Variants in PLPPR1 observed in about 807,000 individuals in gnomAD.
PLPPR1 encodes the protein phospholipid phosphatase-related protein type 1.
PLPPR1 carries 10 observed loss-of-function variants against 33.1 expected under a neutral mutation model. The observed-to-expected ratio is 0.30, with a 90% confidence interval of 0.19 to 0.51. PLPPR1 has a LOEUF of 0.51. Among genes scored for constraint, PLPPR1 ranks in the 20% least tolerant of loss-of-function variants. PLPPR1 has a pLI of 0.97. For synonymous variants in PLPPR1, 151 were observed against 151.0 expected, an observed-to-expected ratio of 1.00 and a Z score of 0.00; for missense variants, 304 against 408.1, an observed-to-expected ratio of 0.74 and a Z score of 2.20.
At chr9:101,296,512 C>T (rs184928388) in intron 4 of PLPPR1, among the ~76,000 whole-genome samples, 24 of 151,956 alleles carry the variant, frequency 1.6e-4, no homozygotes, top group East Asian at 7.7e-4. Flanking sequence ...ATGTTTATTG[C>T]GGCACTATTC....
rs537138676 is a variant in PLPPR1, at chr9:101,111,979, T to C, written c.-45-73471T>C. Among the ~76,000 whole-genome samples the C allele has an allele frequency of 3.9e-5, 6 of 152,306 alleles. No individual in the cohort carries two copies. In the South Asian group the frequency reaches 1.2e-3, roughly 32 times the overall value. On this transcript the variant is annotated intron_variant, in intron 1 of 7. Transcript: ENST00000374874. Reference sequence around the variant, plus strand: ...CGTTGCTTCAGCCTCACCTCCTCCCTTCCCAACCACATAATGTGCTTTATT... The same window carrying C: ...CGTTGCTTCAGCCTCACCTCCTCCCCTCCCAACCACATAATGTGCTTTATT...
At chr9:101,185,690 G>T in intron 2 of PLPPR1, 133 bp downstream of exon 2, 1 of 592,812 alleles carries the variant, frequency 1.7e-6, no homozygotes, top group South Asian at 2.5e-5. Context: ...TATTGGTAAA[G>T]ATTAATAAAC....
At chr9:101,128,715 G>T (rs980275298) in intron 1 of PLPPR1, among the ~76,000 whole-genome samples, 2 of 152,142 alleles carry the variant, frequency 1.3e-5, no homozygotes, top group Non-Finnish European at 2.9e-5. Context: ...CAACTTCTCT[G>T]GTGAGAGCTT....
chr9:101,121,264 A>G (rs1831175657), intron 1 of PLPPR1, among the ~76,000 whole-genome samples: 1 of 152,204 alleles, frequency 6.6e-6, no homozygotes, highest in African/African-American at 2.4e-5. Context: ...GCTCCTATGT[A>G]TCAGATATTG....
intron 1 of PLPPR1, among the ~76,000 whole-genome samples, chr9:101,143,022 C>T (rs568495866): frequency 2.6e-5 from 4 of 151,594 alleles, no homozygotes; most frequent in South Asian, 4.2e-4. Context: ...TCTCTTGTAA[C>T]ATTTGCCTGG....
chr9:101,166,185 A>T (rs1486501468), intron 1 of PLPPR1, among the ~76,000 whole-genome samples: 2 of 152,178 alleles, frequency 1.3e-5, no homozygotes, highest in African/African-American at 4.8e-5. Flanking sequence ...TGTTTCAACC[A>T]TATGGCCGTG....
At chr9:101,279,106 C>T (rs192800132) in intron 3 of PLPPR1, among the ~76,000 whole-genome samples, 20 of 152,178 alleles carry the variant, frequency 1.3e-4, no homozygotes, top group Admixed American at 1.0e-3. Context: ...TAGAGATGTT[C>T]GAACTCACTG....
chr9:101,203,360 G>A (rs367587365), intron 2 of PLPPR1, among the ~76,000 whole-genome samples: 1 of 152,142 alleles, frequency 6.6e-6, no homozygotes, highest in African/African-American at 2.4e-5. Flanking sequence ...AGACCTTAGG[G>A]GGGGAAAAAG....
At chr9:101,179,800 G>T (rs531537909) in intron 1 of PLPPR1, among the ~76,000 whole-genome samples, 84 of 152,074 alleles carry the variant, frequency 5.5e-4, no homozygotes, top group African/African-American at 2.0e-3. Context: ...ATTGCCAAAG[G>T]ATATTAACAT....
In PLPPR1 at chr9:101,324,928, A is replaced by G. The variant is rs1050425434; in HGVS notation, c.*871A>G. The G allele has an allele frequency of 6.5e-6, 1 of 152,756 alleles. No homozygotes were observed. Among genetic ancestry groups the G allele is most frequent in the South Asian group, 2.1e-4 (1 of 4,822 alleles). The allele number at this position is 152,756 out of a possible 1,614,324, so 9.5% of individuals were successfully genotyped here. On this transcript the variant is annotated 3_prime_UTR_variant, in exon 8 of 8. Transcript: ENST00000374874. ...CATAGGGCCCCAGAACAACAGTTTC[A>G]CTTTGTGGCTTTTAATTATTCTAGA...
At chr9:101,201,821 A>T (rs760761573) in intron 2 of PLPPR1, among the ~76,000 whole-genome samples, 1 of 152,146 alleles carries the variant, frequency 6.6e-6, no homozygotes, top group Non-Finnish European at 1.5e-5. Context: ...AGAGTTATTT[A>T]TAGGATTCTG....
chr9:101,097,080 G>T (rs1297998826), intron 1 of PLPPR1, among the ~76,000 whole-genome samples: 1 of 152,184 alleles, frequency 6.6e-6, no homozygotes, highest in Admixed American at 6.5e-5. Flanking sequence ...CAGGCAGGGA[G>T]AACAGCTGAA....
At chr9:101,049,045 T>C (rs1830188081) in intron 1 of PLPPR1, among the ~76,000 whole-genome samples, 3 of 152,240 alleles carry the variant, frequency 2.0e-5, no homozygotes, top group Admixed American at 1.3e-4. Context: ...ATTTTGCAGC[T>C]ATCAGATCAG....
chr9:101,174,869 A>C (rs1825995499), intron 1 of PLPPR1, among the ~76,000 whole-genome samples: 1 of 152,322 alleles, frequency 6.6e-6, no homozygotes, highest in South Asian at 2.1e-4. Flanking sequence ...AAGAAACATC[A>C]GTGACTGTCA....
At chr9:101,129,545 G>A (rs959891800) in intron 1 of PLPPR1, among the ~76,000 whole-genome samples, 2 of 152,022 alleles carry the variant, frequency 1.3e-5, no homozygotes, top group African/African-American at 4.8e-5. Flanking sequence ...AAAAAAAAGG[G>A]AAAAAGCTGG....
intron 2 of PLPPR1, among the ~76,000 whole-genome samples, chr9:101,193,189 G>A (rs1027399163): frequency 6.6e-6 from 1 of 152,202 alleles, no homozygotes; most frequent in Non-Finnish European, 1.5e-5. Flanking sequence ...GGAATCAGGA[G>A]AGAAGGAAAT....
intron 1 of PLPPR1, among the ~76,000 whole-genome samples, chr9:101,031,718 G>A (rs1829947853): frequency 1.3e-5 from 2 of 152,170 alleles, no homozygotes; most frequent in African/African-American, 2.4e-5. Context: ...CCTTTCCCTG[G>A]AGGATTTGAG....
At chr9:101,311,924 C>A (rs557886651) in intron 5 of PLPPR1, among the ~76,000 whole-genome samples, 10 of 152,266 alleles carry the variant, frequency 6.6e-5, no homozygotes, top group African/African-American at 1.7e-4. Flanking sequence ...AGTGTACTTA[C>A]ATGAAAAAGG....
chr9:101,152,089 T>G (rs1831596341), intron 1 of PLPPR1, among the ~76,000 whole-genome samples: 1 of 152,224 alleles, frequency 6.6e-6, no homozygotes, highest in African/African-American at 2.4e-5. Flanking sequence ...TGATCGCCAT[T>G]CTAACTGGTG....
Sources: allele counts gnomAD v4.1 joint callset (sites outside exome capture counted in the v4.1 genomes callset), GRCh38; gene constraint gnomAD v4.1.1; transcripts MANE v1.5; gene names NCBI Gene and HGNC (gene_info 2026-07-23, HGNC 2026-07-21).